Variants in RBFOX1 observed in about 807,000 individuals in gnomAD.
RBFOX1 encodes RNA binding protein fox-1 homolog 1.
A neutral mutation model predicts 57.7 loss-of-function variants in RBFOX1; 8 were observed. The ratio of observed to expected loss-of-function variants is 0.14; its 90% CI spans 0.08 to 0.25. RBFOX1 has a LOEUF of 0.25. Ranked by LOEUF, RBFOX1 falls within the 10% of genes least tolerant of loss-of-function variation. RBFOX1 has a pLI of 1.00. For synonymous variants in RBFOX1, 326 were observed against 222.4 expected (o/e 1.47, Z -4.15); for missense variants, 611 against 548.5 (o/e 1.11, Z -1.14).
intron 3 of RBFOX1, among the ~76,000 whole-genome samples, chr16:6,666,484 C>T (rs1031013413): frequency 6.8e-6 from 1 of 146,966 alleles, no homozygotes; most frequent in Non-Finnish European, 1.5e-5. Flanking sequence ...AGGTTACAGT[C>T]AGCTGAGATC....
At chr16:6,875,290 C>T (rs114711090) in intron 3 of RBFOX1, among the ~76,000 whole-genome samples, 30 of 152,228 alleles carry the variant, frequency 2.0e-4, no homozygotes, top group African/African-American at 7.0e-4. Context: ...CAATACAACT[C>T]GTTATGGTGG....
chr16:7,251,182 C>T (rs1218703259), intron 4 of RBFOX1, among the ~76,000 whole-genome samples: 1 of 152,108 alleles, frequency 6.6e-6, no homozygotes, highest in Admixed American at 6.5e-5. Flanking sequence ...CCAATCCCAC[C>T]CCAGCCCCTG....
intron 3 of RBFOX1, among the ~76,000 whole-genome samples, chr16:6,793,199 A>G (rs967438101): frequency 9.9e-5 from 15 of 152,224 alleles, no homozygotes; most frequent in Admixed American, 7.2e-4. Context: ...ATCAAACAGT[A>G]TAATTTTTAA....
intron 1 of RBFOX1, among the ~76,000 whole-genome samples, chr16:5,260,481 G>A (rs1468719046): frequency 2.6e-5 from 4 of 152,184 alleles, no homozygotes; most frequent in Non-Finnish European, 4.4e-5. Flanking sequence ...AGAAATGGAA[G>A]TGAAACTGAA....
chr16:5,869,414 A>G (rs1310756930), intron 4 of RBFOX1, among the ~76,000 whole-genome samples: 1 of 152,134 alleles, frequency 6.6e-6, no homozygotes, highest in African/African-American at 2.4e-5. Context: ...TTATACGTAT[A>G]TATTTTTAGA....
chr16:6,149,219 G>A (rs1020857404), intron 1 of RBFOX1, among the ~76,000 whole-genome samples: 1 of 152,218 alleles, frequency 6.6e-6, no homozygotes, highest in African/African-American at 2.4e-5. Context: ...ATGTGTGTGT[G>A]TGCGCGCGCG....
At chr16:5,294,122 G>C (rs899210237) in intron 1 of RBFOX1, among the ~76,000 whole-genome samples, 13 of 152,104 alleles carry the variant, frequency 8.5e-5, no homozygotes, top group Admixed American at 4.6e-4. Flanking sequence ...CCAGCTACTC[G>C]GGAGGCTGAG....
In RBFOX1 at chr16:6,980,730, A is replaced by G. The variant is rs144469146; in HGVS notation, c.-15-71327A>G. Among the ~76,000 whole-genome samples, 278 of 152,276 alleles carry G rather than the reference A, an allele frequency of 1.8e-3. 2 individuals are homozygous for G. The highest frequency in any genetic ancestry group is 6.6e-3 in the African/African-American group (276 of 41,530). The stretch of plus-strand genomic sequence containing the variant: ...GAGCAATGTCATCAAAGGAGGGCAG[A>G]TTATATGTGGGAAGAAAATGTTCAG... On this transcript the variant is annotated intron_variant, in intron 3 of 15. Coordinates refer to ENST00000550418, the MANE Select transcript of RBFOX1 (RefSeq NM_018723.4).
chr16:7,044,900 A>G (rs1265082168), intron 3 of RBFOX1, among the ~76,000 whole-genome samples: 2 of 151,968 alleles, frequency 1.3e-5, no homozygotes, highest in East Asian at 3.9e-4. Flanking sequence ...TATGGAGAAA[A>G]TTTTTTAAGA....
At chr16:7,220,375 A>G (rs548014012) in intron 4 of RBFOX1, among the ~76,000 whole-genome samples, 47 of 152,310 alleles carry the variant, frequency 3.1e-4, no homozygotes, top group African/African-American at 1.1e-3. Context: ...TAGGACAACT[A>G]CTTAATCTGT....
At chr16:6,618,594 T>A (rs2098177801) in intron 2 of RBFOX1, among the ~76,000 whole-genome samples, 1 of 152,124 alleles carries the variant, frequency 6.6e-6, no homozygotes, top group African/African-American at 2.4e-5. Context: ...GAGGAGAGAA[T>A]CAGAATACAG....
At chr16:6,076,337 C>T (rs2095900342) in intron 1 of RBFOX1, among the ~76,000 whole-genome samples, 2 of 150,550 alleles carry the variant, frequency 1.3e-5, no homozygotes. Flanking sequence ...CACACGCGCA[C>T]ACACACACAT....
At chr16:6,348,422 C>T (rs1006041409) in intron 2 of RBFOX1, among the ~76,000 whole-genome samples, 11 of 152,172 alleles carry the variant, frequency 7.2e-5, no homozygotes, top group Non-Finnish European at 1.5e-4. Flanking sequence ...GCTGCCCTTA[C>T]GTCAGGGGAA....
chr16:7,067,894 C>A (rs528362649), intron 4 of RBFOX1, among the ~76,000 whole-genome samples: 53 of 151,440 alleles, frequency 3.5e-4, no homozygotes, highest in Admixed American at 1.2e-3. Context: ...CATAGTATTC[C>A]ATGGTGTATT....
intron 3 of RBFOX1, among the ~76,000 whole-genome samples, chr16:6,880,673 A>G (rs2062753179): frequency 6.6e-6 from 1 of 152,234 alleles, no homozygotes; most frequent in Admixed American, 6.5e-5. Flanking sequence ...AAATCTAGAT[A>G]AAAAGAGCAC....
intron 3 of RBFOX1, among the ~76,000 whole-genome samples, chr16:6,835,481 G>T (rs1287928606): frequency 6.6e-6 from 1 of 152,026 alleles, no homozygotes; most frequent in Non-Finnish European, 1.5e-5. Context: ...GGCCGGGTGT[G>T]GTGGTCACGC....
intron 2 of RBFOX1, among the ~76,000 whole-genome samples, chr16:6,594,863 A>G (rs914604321): frequency 2.6e-5 from 4 of 152,144 alleles, no homozygotes; most frequent in African/African-American, 7.2e-5. Flanking sequence ...ATCTCAGCTA[A>G]CTGTAACCTC....
chr16:6,487,673 T>TAAAA (rs777856402), intron 2 of RBFOX1, among the ~76,000 whole-genome samples: 22 of 38,746 alleles, frequency 5.7e-4, no homozygotes, highest in East Asian at 2.1e-3. Flanking sequence ...GTGATATATG[T>TAAAA]AAAAAAAAAA....
At chr16:7,070,893 G>C (rs1016467049) in intron 4 of RBFOX1, among the ~76,000 whole-genome samples, 1 of 152,180 alleles carries the variant, frequency 6.6e-6, no homozygotes, top group African/African-American at 2.4e-5. Flanking sequence ...GACTGTGGTT[G>C]TTGGGTAGGT....
Sources: gnomAD v4.1 joint callset for allele counts (sites outside exome capture counted in the v4.1 genomes callset) on GRCh38, gnomAD v4.1.1 for gene constraint, MANE v1.5 for transcripts, NCBI Gene and HGNC (gene_info 2026-07-23, HGNC 2026-07-21) for gene names.